The following SUGCT variants were observed in gnomAD, a reference collection of about 807,000 sequenced individuals.
SUGCT encodes succinyl-CoA:glutarate-CoA transferase.
In SUGCT, 41 loss-of-function variants were observed where a neutral mutation model predicts 55.0. The ratio of observed to expected loss-of-function variants is 0.74; its 90% CI spans 0.58 to 0.97. SUGCT has a LOEUF of 0.97. Ranked by LOEUF, SUGCT falls within the 50% of genes least tolerant of loss-of-function variation. The pLI is 0.00. For missense variants in SUGCT, 568 were observed against 547.8 expected (o/e 1.04, Z -0.37); for synonymous variants, 187 against 200.4 (o/e 0.93, Z 0.56).
chr7:40,640,931 G>A (rs1800242966), intron 12 of SUGCT, among the ~76,000 whole-genome samples: 1 of 152,216 alleles, frequency 6.6e-6, no homozygotes, highest in Admixed American at 6.5e-5. Flanking sequence ...ACCTGGGGCT[G>A]GAGATATTTT....
chr7:40,317,086 G>C (rs1795481970), intron 9 of SUGCT, among the ~76,000 whole-genome samples: 1 of 151,502 alleles, frequency 6.6e-6, no homozygotes, highest in African/African-American at 2.4e-5. Context: ...CAGATCAAAG[G>C]AACTTGCTGA....
chr7:40,323,059 A>G (rs74198690), intron 9 of SUGCT, among the ~76,000 whole-genome samples: 15,206 of 152,114 alleles, frequency 0.1, 1,160 homozygotes, highest in East Asian at 0.42. Context: ...CCAGAACTCC[A>G]AACCTTTTGG....
chr7:40,847,399 TTTTC>T (rs201875749), intron 13 of SUGCT, among the ~76,000 whole-genome samples: 1,750 of 138,136 alleles, frequency 0.013, 80 homozygotes, highest in East Asian at 0.067. Flanking sequence ...TATACATTTC[TTTTC>T]TTTCTTTCTT....
chr7:40,614,777 A>G (rs1174162513), intron 12 of SUGCT, among the ~76,000 whole-genome samples: 2 of 152,192 alleles, frequency 1.3e-5, no homozygotes, highest in East Asian at 3.9e-4. Context: ...TTACTTATAA[A>G]ATAGGGATAA....
intron 13 of SUGCT, among the ~76,000 whole-genome samples, chr7:40,810,953 G>T (rs887158125): frequency 2.6e-5 from 4 of 152,048 alleles, no homozygotes; most frequent in African/African-American, 4.8e-5. Context: ...TGAAAGGTAG[G>T]GTTCCAGTTT....
the SUGCT span, among the ~76,000 whole-genome samples, chr7:40,938,535 A>G: frequency 4.6e-5 from 7 of 151,960 alleles, no homozygotes; most frequent in East Asian, 1.2e-3. Context: ...TTGAAGTACA[A>G]GTGGTTTTTG....
chr7:40,562,740 A>G (rs1485547510), intron 12 of SUGCT, among the ~76,000 whole-genome samples: 1 of 152,192 alleles, frequency 6.6e-6, no homozygotes, highest in East Asian at 1.9e-4. Flanking sequence ...AAGAAGGACC[A>G]ATTTCACGCT....
At chr7:40,781,482 C>T (rs1382550107) in intron 13 of SUGCT, among the ~76,000 whole-genome samples, 1 of 151,438 alleles carries the variant, frequency 6.6e-6, no homozygotes. Flanking sequence ...CACACACATA[C>T]ACACACACAC....
At chr7:40,997,253 A>G in the SUGCT span, among the ~76,000 whole-genome samples, 4 of 152,226 alleles carry the variant, frequency 2.6e-5, no homozygotes, top group African/African-American at 9.6e-5. Context: ...ACGAAGTCCC[A>G]CTGATTTTAC....
intron 12 of SUGCT, among the ~76,000 whole-genome samples, chr7:40,692,782 C>T (rs1051736453): frequency 6.6e-6 from 1 of 152,132 alleles, no homozygotes; most frequent in Non-Finnish European, 1.5e-5. Context: ...TTTCTTTCAC[C>T]TAGAAGCCAG....
chr7:40,727,210 C>T (rs1314208130), intron 12 of SUGCT, among the ~76,000 whole-genome samples: 1 of 152,130 alleles, frequency 6.6e-6, no homozygotes, highest in Non-Finnish European at 1.5e-5. Context: ...ACAAAGGTGT[C>T]ATGATTTGTT....
intron 1 of SUGCT, among the ~76,000 whole-genome samples, chr7:40,170,012 T>C (rs1784597975): frequency 6.6e-6 from 1 of 152,170 alleles, no homozygotes; most frequent in South Asian, 2.1e-4. Context: ...CTTTTCCTTG[T>C]GTTATAGTGG....
At chr7:40,369,599 C>T (rs991803916) in intron 9 of SUGCT, among the ~76,000 whole-genome samples, 7 of 152,036 alleles carry the variant, frequency 4.6e-5, no homozygotes, top group Non-Finnish European at 1.0e-4. Flanking sequence ...CAGCTCTGGC[C>T]CCTAAGAAGG....
chr7:40,556,002 T>C lies in SUGCT; in HGVS notation c.1089+59616T>C, dbSNP rs117608546. On this transcript the variant is annotated intron_variant, in intron 12 of 13. Coordinates refer to ENST00000335693, the MANE Select transcript of SUGCT (RefSeq NM_001193313.2). ...ATCACCATGTACCCTACATAAAGTATGCCTGTCTTTCTGCCAACACATAAT... is the reference window on the plus strand; with the variant it reads ...ATCACCATGTACCCTACATAAAGTACGCCTGTCTTTCTGCCAACACATAAT... Among the ~76,000 whole-genome samples, 15 of 152,296 alleles carry C rather than the reference T, an allele frequency of 9.8e-5. No individual in the cohort carries two copies. In the East Asian group the frequency reaches 2.5e-3, roughly 26 times the overall value.
At chr7:40,854,440 CTT>C (rs1391562443) in intron 13 of SUGCT, among the ~76,000 whole-genome samples, 1 of 141,602 alleles carries the variant, frequency 7.1e-6, no homozygotes, top group African/African-American at 2.7e-5. Flanking sequence ...TTCTTTCTTT[CTT>C]TCTTTCTTTC....
chr7:40,364,917 C>G (rs2151233017), intron 9 of SUGCT, among the ~76,000 whole-genome samples: 1 of 152,184 alleles, frequency 6.6e-6, no homozygotes, highest in East Asian at 1.9e-4. Flanking sequence ...TTTTATGAGG[C>G]CAGCATCATC....
At chr7:40,617,431 G>A (rs1584137146) in intron 12 of SUGCT, among the ~76,000 whole-genome samples, 2 of 151,798 alleles carry the variant, frequency 1.3e-5, no homozygotes, top group African/African-American at 4.8e-5. Flanking sequence ...CAGTACAAGA[G>A]CTCAGATGTC....
chr7:40,272,395 CT>C (rs1792126961), intron 7 of SUGCT, among the ~76,000 whole-genome samples: 1 of 149,130 alleles, frequency 6.7e-6, no homozygotes, highest in African/African-American at 2.5e-5. Context: ...CCAGGCTGTT[CT>C]TGAACTCGTG....
chr7:40,334,857 G>A (rs1441343407), intron 9 of SUGCT, among the ~76,000 whole-genome samples: 1 of 152,152 alleles, frequency 6.6e-6, no homozygotes, highest in Non-Finnish European at 1.5e-5. Flanking sequence ...TAATGCCTAG[G>A]TTTTCTTCTA....
Sources: gnomAD v4.1 joint callset for allele counts (sites outside exome capture counted in the v4.1 genomes callset) on GRCh38, gnomAD v4.1.1 for gene constraint, MANE v1.5 for transcripts, NCBI Gene and HGNC (gene_info 2026-07-23, HGNC 2026-07-21) for gene names.